The following PCDHGA2 variants were observed in gnomAD, a reference collection of about 807,000 sequenced individuals.
PCDHGA2 encodes the protein protocadherin gamma-A2.
A neutral mutation model predicts 59.2 loss-of-function variants in PCDHGA2; 40 were observed. The observed-to-expected ratio is 0.68, with a 90% CI of 0.52 to 0.88. The LOEUF (loss-of-function observed/expected upper bound fraction) is 0.88, where lower values mean the gene tolerates loss of function less well. Among genes scored for constraint, PCDHGA2 ranks in the 40% least tolerant of loss-of-function variants. The probability of loss-of-function intolerance (pLI) is 0.00; values close to 1 mark genes in which losing one functional copy is unlikely to be tolerated. For missense variants in PCDHGA2, 1,226 were observed against 1,204.0 expected (o/e 1.02, Z -0.27); for synonymous variants, 560 against 526.0 (o/e 1.06, Z -0.89).
intron 1 of PCDHGA2, among the ~76,000 whole-genome samples, chr5:141,368,452 C>T (rs75043959): frequency 0.049 from 7,512 of 151,972 alleles, 218 homozygotes; most frequent in Admixed American, 0.079. Flanking sequence ...ACAAACTCAC[C>T]GAATAGTGAA....
At chr5:141,355,356 G>C in intron 1 of PCDHGA2, 2 of 1,614,044 alleles carry the variant, frequency 1.2e-6, no homozygotes, top group South Asian at 2.2e-5. Context: ...CCAAGGACCT[G>C]GGGTTGGCGC....
chr5:141,497,005 A>T (rs1249733879), intron 2 of PCDHGA2, among the ~76,000 whole-genome samples: 1 of 152,134 alleles, frequency 6.6e-6, no homozygotes, highest in Non-Finnish European at 1.5e-5. Context: ...GGCAGCCAAC[A>T]TGGTGAAACC....
intron 1 of PCDHGA2, chr5:141,403,193 A>G (rs1291009856): frequency 1.9e-6 from 3 of 1,613,986 alleles, no homozygotes; most frequent in South Asian, 2.2e-5. Context: ...GAACCCGCGC[A>G]GCGGCACCTT....
In PCDHGA2 at chr5:141,511,774, T is replaced by C. The variant is rs1173144009; in HGVS notation, c.*601T>C. 6.2e-6 allele frequency: 1 copy of C among 160,350 alleles called. No homozygotes were observed. The highest frequency in any genetic ancestry group is 1.4e-5 in the Non-Finnish European group (1 of 72,132). The allele number at this position is 160,350 out of a possible 1,614,324, so 9.9% of individuals were successfully genotyped here. A position where few individuals can be genotyped will look rare whatever the true frequency, so the allele number is the denominator to read the frequency against. On this transcript the variant is annotated 3_prime_UTR_variant, in exon 4 of 4. Coordinates refer to ENST00000394576, the MANE Select transcript of PCDHGA2 (RefSeq NM_018915.4). ...ATGATCACCATCCCCATGGTACTGA[T>C]GCTTGCTGGATTTAGGGAGGGCATT...
Position 141,340,405 on chromosome 5 carries a change from C to G in PCDHGA2, c.1434C>G (p.Asp478Glu). Residue 478 changes from aspartate to glutamate, a missense_variant, in exon 1 of 4, where the codon GAC becomes GAG. Asp to Glu is a conservative substitution (Grantham distance 45). Transcript: ENST00000394576. ...CTGTCTTCTCAGTGACGGCCCATGA[C>G]CCCGACAGCAACGACAATGCTCATG... ...GASVFSVTAH[D>E]PDSNDNAHVT... is the part of the protein sequence containing the mutation. 3 of 1,614,220 alleles carry G rather than the reference C, an allele frequency of 1.9e-6. No individual in the cohort carries two copies. Among genetic ancestry groups the G allele is most frequent in the Non-Finnish European group, 2.5e-6 (3 of 1,180,048 alleles).
At chr5:141,439,947 T>C (rs2098140958) in intron 1 of PCDHGA2, 1 of 152,516 alleles carries the variant, frequency 6.6e-6, no homozygotes, top group Non-Finnish European at 1.5e-5. Flanking sequence ...TTCTCTATGA[T>C]GCAGATCCGT....
In PCDHGA2 at chr5:141,462,383, G is replaced by A. The variant is rs78537075; in HGVS notation, c.2425-32424G>A. Among the ~76,000 whole-genome samples the A allele has an allele frequency of 5.6e-4, 85 of 151,920 alleles. 1 individual carries two copies. In the East Asian group the frequency reaches 0.016, roughly 29 times the overall value. ...GTATAGTTTCTATTCTTTTAAATTC[G>A]TTAACATTTCTTTTATGGCACAGAA... On this transcript the variant is annotated intron_variant, in intron 1 of 3. Transcript: ENST00000394576.
intron 1 of PCDHGA2, among the ~76,000 whole-genome samples, chr5:141,447,493 T>A (rs538320272): frequency 3.3e-5 from 5 of 152,186 alleles, no homozygotes; most frequent in East Asian, 1.9e-4. Flanking sequence ...AGAAGGAATG[T>A]TTAGGATAAA....
intron 1 of PCDHGA2, chr5:141,342,674 G>C (rs1757194680): frequency 6.6e-6 from 1 of 152,142 alleles, no homozygotes; most frequent in Non-Finnish European, 1.5e-5. Context: ...GTATAAACAG[G>C]AAAATTAAAG....
At chr5:141,362,516 G>C (rs1284442105) in intron 1 of PCDHGA2, 1 of 1,613,984 alleles carries the variant, frequency 6.2e-7, no homozygotes, top group Admixed American at 1.7e-5. Flanking sequence ...ACAAATCATG[G>C]AGCCGCTGGG....
intron 1 of PCDHGA2, chr5:141,422,628 C>A: frequency 6.2e-7 from 1 of 1,613,410 alleles, no homozygotes; most frequent in Non-Finnish European, 8.5e-7. Context: ...AAAACAACCC[C>A]AGGGGTGCCT....
chr5:141,427,355 C>A (rs765449381), intron 1 of PCDHGA2: 9 of 457,430 alleles, frequency 2.0e-5, no homozygotes, highest in Non-Finnish European at 3.5e-5. Context: ...TAACTGAGGA[C>A]GCAGAACCCT....
chr5:141,375,239 A>G, intron 1 of PCDHGA2: 2 of 1,613,974 alleles, frequency 1.2e-6, no homozygotes, highest in Admixed American at 1.7e-5. Context: ...AACCTGTTCC[A>G]TCCCGAGAAG....
chr5:141,443,618 G>A (rs901899343), intron 1 of PCDHGA2, among the ~76,000 whole-genome samples: 2 of 152,178 alleles, frequency 1.3e-5, no homozygotes, highest in Non-Finnish European at 2.9e-5. Context: ...TTATAATCAG[G>A]TGATTGTAAA....
chr5:141,506,935 G>A (rs1375246477), intron 3 of PCDHGA2, among the ~76,000 whole-genome samples: 3 of 152,116 alleles, frequency 2.0e-5, no homozygotes, highest in African/African-American at 7.2e-5. Context: ...AACTTTAGGG[G>A]CCTCCTGTCA....
In PCDHGA2 at chr5:141,384,637, C is replaced by T. The variant is rs764454496; in HGVS notation, c.2424+43242C>T. On this transcript the variant is annotated intron_variant, in intron 1 of 3. Transcript: ENST00000394576. ...TTCTACTGGCATGGAGCTGGCACCC[C>T]GCTCCGCAGAGCCCGGCTACCTGGT... is the stretch of plus-strand genomic sequence containing the variant. The T allele has an allele frequency of 1.7e-5, 28 of 1,614,114 alleles. No individual in the cohort carries two copies. The highest frequency in any genetic ancestry group is 1.6e-4 in the Middle Eastern group (1 of 6,082).
At chr5:141,371,264 A>G (rs753938620) in intron 1 of PCDHGA2, 27 of 1,614,064 alleles carry the variant, frequency 1.7e-5, no homozygotes, top group Non-Finnish European at 2.0e-5. Flanking sequence ...AAGTGAGACA[A>G]CTGTTCAAGC....
At chr5:141,362,021 C>A (rs1233254898) in intron 1 of PCDHGA2, 1 of 1,607,220 alleles carries the variant, frequency 6.2e-7, no homozygotes, top group Admixed American at 1.7e-5. Flanking sequence ...GTGCGCACAG[C>A]GCGTGCCTTG....
intron 1 of PCDHGA2, among the ~76,000 whole-genome samples, chr5:141,402,212 A>T (rs1282581389): frequency 6.6e-6 from 1 of 152,138 alleles, no homozygotes; most frequent in Non-Finnish European, 1.5e-5. Context: ...ACAAAAATTT[A>T]AAATAAACGT....
Sources: allele counts gnomAD v4.1 joint callset (sites outside exome capture counted in the v4.1 genomes callset), GRCh38; gene constraint gnomAD v4.1.1; transcripts MANE v1.5; gene names NCBI Gene and HGNC (gene_info 2026-07-23, HGNC 2026-07-21).